The following CA13 variants were observed in gnomAD, a reference collection of about 807,000 sequenced individuals.
The protein encoded by CA13 is CA-XIII.
CA13 carries 21 observed loss-of-function variants against 31.5 expected under a neutral mutation model. The ratio of observed to expected loss-of-function variants is 0.67; its 90% CI spans 0.47 to 0.96. The LOEUF is 0.96. Ranked by LOEUF, CA13 falls within the 40% of genes least tolerant of loss-of-function variation. The pLI is 0.00. For synonymous variants in CA13, 117 were observed against 111.4 expected (o/e 1.05, Z -0.32); for missense variants, 315 against 318.9 (o/e 0.99, Z 0.09).
At chr8:85,276,641 CTGTA>C in intron 6 of CA13, among the ~76,000 whole-genome samples, 1 of 151,796 alleles carries the variant, frequency 6.6e-6, no homozygotes, top group East Asian at 1.9e-4. Context: ...AATGGACACT[CTGTA>C]TGTAGCTACT....
Position 85,259,510 on chromosome 8 carries a change from A to G in CA13, c.325A>G (p.Ile109Val). 6.2e-7 allele frequency: 1 copy of G among 1,614,074 alleles called. No individual in the cohort carries two copies. The highest frequency in any genetic ancestry group is 8.5e-7 in the Non-Finnish European group (1 of 1,179,936). Residue 109 changes from isoleucine to valine, a missense_variant, in exon 3 of 7, where the codon ATA becomes GTA. Coordinates refer to ENST00000321764, the MANE Select transcript of CA13 (RefSeq NM_198584.3). ...GSADDHGSEH[I>V]VDGVSYAAEL... ...CGCTGATGACCACGGCTCCGAGCACATAGTAGATGGAGTGAGCTATGCTGC... is the reference window on the plus strand; with the variant it reads ...CGCTGATGACCACGGCTCCGAGCACGTAGTAGATGGAGTGAGCTATGCTGC...
At chr8:85,252,307 A>G (rs1406662448) in intron 2 of CA13, among the ~76,000 whole-genome samples, 2 of 152,184 alleles carry the variant, frequency 1.3e-5, no homozygotes, top group African/African-American at 4.8e-5. Context: ...TGTATTAGCT[A>G]TGCTTGTATC....
intron 6 of CA13, among the ~76,000 whole-genome samples, chr8:85,271,335 T>C (rs999255822): frequency 2.6e-4 from 40 of 152,218 alleles, no homozygotes; most frequent in Admixed American, 1.3e-4. Flanking sequence ...TTCCGGATTT[T>C]TTCCTAGGGT....
At chr8:85,250,234 G>A (rs190083431) in intron 1 of CA13, among the ~76,000 whole-genome samples, 2 of 152,326 alleles carry the variant, frequency 1.3e-5, no homozygotes, top group East Asian at 3.9e-4. Flanking sequence ...GGAGGCCTGA[G>A]TGACACTAGA....
At chr8:85,270,452 A>G (rs1300470487) in intron 6 of CA13, among the ~76,000 whole-genome samples, 1 of 152,218 alleles carries the variant, frequency 6.6e-6, no homozygotes, top group Admixed American at 6.5e-5. Flanking sequence ...AGAAATCCAG[A>G]GCTTGACTGA....
At chr8:85,263,622 G>C (rs2129977793) in intron 3 of CA13, among the ~76,000 whole-genome samples, 1 of 152,298 alleles carries the variant, frequency 6.6e-6, no homozygotes, top group East Asian at 1.9e-4. Flanking sequence ...CACTCTTAAG[G>C]TTTCGATGTA....
Position 85,281,425 on chromosome 8 carries a change from C to A in CA13, c.*76C>A. On this transcript the variant is annotated 3_prime_UTR_variant, in exon 7 of 7. Coordinates refer to ENST00000321764, the MANE Select transcript of CA13 (RefSeq NM_198584.3). Reference sequence around the variant, plus strand: ...ACAAAACAAAGCACAAAAGTCTCTGCCAACAACTCTTTTGTGGAATTCTAA... The same window carrying A: ...ACAAAACAAAGCACAAAAGTCTCTGACAACAACTCTTTTGTGGAATTCTAA... 2 of 1,546,346 alleles carry A rather than the reference C, an allele frequency of 1.3e-6. No homozygotes were observed. Among genetic ancestry groups the A allele is most frequent in the East Asian group, 2.3e-5 (1 of 43,748 alleles).
At chr8:85,255,331 C>T (rs958994409) in intron 2 of CA13, among the ~76,000 whole-genome samples, 1 of 151,526 alleles carries the variant, frequency 6.6e-6, no homozygotes, top group Non-Finnish European at 1.5e-5. Flanking sequence ...GGTGCAATCT[C>T]AGCTCACTAC....
intron 3 of CA13, 109 bp from the exon 4 acceptor site, chr8:85,266,499 T>C (rs1366758038): frequency 9.7e-6 from 7 of 718,464 alleles, no homozygotes; most frequent in Non-Finnish European, 1.6e-5. Flanking sequence ...GATAAATACA[T>C]TATACATAAG....
chr8:85,263,352 C>A (rs1807411383), intron 3 of CA13, among the ~76,000 whole-genome samples: 1 of 152,086 alleles, frequency 6.6e-6, no homozygotes, highest in East Asian at 1.9e-4. Context: ...AGGGGAATGA[C>A]ATGTTCTGCT....
At chr8:85,265,654 A>G (rs1807445975) in intron 3 of CA13, among the ~76,000 whole-genome samples, 1 of 152,066 alleles carries the variant, frequency 6.6e-6, no homozygotes, top group Non-Finnish European at 1.5e-5. Context: ...ATCTAAACAT[A>G]TTCATAGAAC....
At chr8:85,258,241 A>G (rs915778442) in intron 2 of CA13, among the ~76,000 whole-genome samples, 2 of 151,948 alleles carry the variant, frequency 1.3e-5, no homozygotes, top group Non-Finnish European at 2.9e-5. Flanking sequence ...TGCTTTAAAC[A>G]TGCCCAATAA....
intron 6 of CA13, among the ~76,000 whole-genome samples, chr8:85,280,797 T>A (rs1015266292): frequency 1.3e-5 from 2 of 152,224 alleles, no homozygotes; most frequent in African/African-American, 4.8e-5. Context: ...TAGGTTGATA[T>A]GTATTGGCAT....
intron 6 of CA13, among the ~76,000 whole-genome samples, chr8:85,274,335 G>A (rs1036793256): frequency 2.0e-5 from 3 of 152,178 alleles, no homozygotes; most frequent in Non-Finnish European, 4.4e-5. Context: ...GCACCGTCTG[G>A]ATTTTTTGGT....
In CA13 at chr8:85,277,202, A is replaced by C. The variant is rs145170243; in HGVS notation, c.670-4028A>C. ...TCTGTTCTTTCCCTCTTTGCAATAAATCTTGCTGCTGCTCACTCTTTGGGT... is the reference window on the plus strand; with the variant it reads ...TCTGTTCTTTCCCTCTTTGCAATAACTCTTGCTGCTGCTCACTCTTTGGGT... On this transcript the variant is annotated intron_variant, in intron 6 of 6. Coordinates refer to ENST00000321764, the MANE Select transcript of CA13 (RefSeq NM_198584.3). 6.8e-3 allele frequency among the ~76,000 whole-genome samples: 1,037 copies of C among 152,158 alleles called. 11 individuals are homozygous for C. The highest frequency in any genetic ancestry group is 0.024 in the African/African-American group (977 of 41,486).
chr8:85,283,816 C>G lies in CA13; in HGVS notation c.*2467C>G, dbSNP rs1170438873. The G allele has an allele frequency of 6.6e-6, 1 of 152,440 alleles. No homozygotes were observed. The highest frequency in any genetic ancestry group is 1.9e-4 in the East Asian group (1 of 5,192). The allele number at this position is 152,440 out of a possible 1,614,324, so 9.4% of individuals were successfully genotyped here. ...TGTTGGTTCTGTATTATAAATTGCACCTTAATAGACCAAAAATATCTATAC... is the reference window on the plus strand; with the variant it reads ...TGTTGGTTCTGTATTATAAATTGCAGCTTAATAGACCAAAAATATCTATAC... On this transcript the variant is annotated 3_prime_UTR_variant, in exon 7 of 7. Coordinates refer to ENST00000321764, the MANE Select transcript of CA13 (RefSeq NM_198584.3).
chr8:85,278,649 G>C (rs201591348), intron 6 of CA13, among the ~76,000 whole-genome samples: 2 of 39,488 alleles, frequency 5.1e-5, no homozygotes, highest in Non-Finnish European at 2.3e-4. Flanking sequence ...CAAATGGAAA[G>C]AGAGCTTTGG....
chr8:85,280,545 C>G (rs1044737564), intron 6 of CA13, among the ~76,000 whole-genome samples: 2 of 152,182 alleles, frequency 1.3e-5, no homozygotes, highest in Non-Finnish European at 2.9e-5. Flanking sequence ...TGTAGGTTCT[C>G]ATTCCTAATA....
intron 2 of CA13, 91 bp from the exon 3 acceptor site, chr8:85,259,330 T>G (rs1431037612): frequency 6.2e-6 from 6 of 963,422 alleles, no homozygotes; most frequent in South Asian, 1.4e-5. Context: ...AGGACATGGA[T>G]GTATGGAGTA....
Sources: gnomAD v4.1 joint callset for allele counts (sites outside exome capture counted in the v4.1 genomes callset) on GRCh38, gnomAD v4.1.1 for gene constraint, MANE v1.5 for transcripts, NCBI Gene and HGNC (gene_info 2026-07-23, HGNC 2026-07-21) for gene names.